Variants in CFAP299 observed in about 807,000 individuals in gnomAD.
The protein encoded by CFAP299 is cilia- and flagella-associated protein 299.
In CFAP299, 21 loss-of-function variants were observed where a neutral mutation model predicts 27.0. The ratio of observed to expected loss-of-function variants is 0.78; its 90% confidence interval spans 0.55 to 1.12. The LOEUF (loss-of-function observed/expected upper bound fraction) is 1.12, where lower values mean the gene tolerates loss of function less well. Among genes scored for constraint, CFAP299 ranks in the 50% most tolerant of loss-of-function variants. CFAP299 has a pLI of 0.00. For synonymous variants in CFAP299, 104 were observed against 98.1 expected (o/e 1.06, Z -0.36); for missense variants, 310 against 276.6 (o/e 1.12, Z -0.86).
At chr4:80,595,700 A>G (rs947752480) in intron 3 of CFAP299, among the ~76,000 whole-genome samples, 3 of 152,206 alleles carry the variant, frequency 2.0e-5, no homozygotes, top group African/African-American at 7.2e-5. Context: ...TTTTCTGTGG[A>G]CCTAAGAAAT....
At chr4:80,835,193 A>G (rs1578167800) in intron 3 of CFAP299, among the ~76,000 whole-genome samples, 1 of 151,776 alleles carries the variant, frequency 6.6e-6, no homozygotes, top group Admixed American at 6.6e-5. Flanking sequence ...CTCGGCTCCC[A>G]GGTTCACGCC....
intron 3 of CFAP299, among the ~76,000 whole-genome samples, chr4:80,620,552 A>G (rs769374478): frequency 4.6e-5 from 7 of 152,148 alleles, no homozygotes; most frequent in Non-Finnish European, 1.0e-4. Context: ...AACTTAAACT[A>G]TGTTTCAGTT....
At chr4:80,367,005 A>C (rs1723867854) in intron 2 of CFAP299, among the ~76,000 whole-genome samples, 2 of 152,198 alleles carry the variant, frequency 1.3e-5, no homozygotes, top group African/African-American at 4.8e-5. Flanking sequence ...AGTATCAGTA[A>C]ATCTATAGAG....
intron 1 of CFAP299, among the ~76,000 whole-genome samples, chr4:80,353,776 T>C (rs1723122845): frequency 6.6e-6 from 1 of 152,048 alleles, no homozygotes; most frequent in Non-Finnish European, 1.5e-5. Flanking sequence ...AGAATAGAAA[T>C]AGAGAAATCA....
At chr4:80,383,254 G>A (rs1026661391) in intron 2 of CFAP299, among the ~76,000 whole-genome samples, 2 of 152,014 alleles carry the variant, frequency 1.3e-5, no homozygotes, top group African/African-American at 4.8e-5. Flanking sequence ...TAGTACCTGG[G>A]TGACAGAATA....
chr4:80,851,476 T>C (rs1355136016), intron 3 of CFAP299, among the ~76,000 whole-genome samples: 1 of 152,012 alleles, frequency 6.6e-6, no homozygotes, highest in East Asian at 1.9e-4. Context: ...TTTACACTTA[T>C]AAAAATGTAG....
intron 2 of CFAP299, among the ~76,000 whole-genome samples, chr4:80,572,507 G>GTTGTTTTTTTTT (rs1735632770): frequency 5.5e-5 from 2 of 36,380 alleles, no homozygotes; most frequent in Non-Finnish European, 1.0e-4. Flanking sequence ...CTGGATCCCA[G>GTTGTTTTTTTTT]TTTTTTTTTT....
intron 4 of CFAP299, among the ~76,000 whole-genome samples, chr4:80,876,757 T>C (rs36087364): frequency 0.073 from 11,073 of 152,186 alleles, 560 homozygotes; most frequent in Middle Eastern, 0.17. Flanking sequence ...GACTTTGACA[T>C]GTAAAGATGT....
intron 4 of CFAP299, among the ~76,000 whole-genome samples, chr4:80,902,327 T>A (rs1442447581): frequency 6.8e-6 from 1 of 147,830 alleles, no homozygotes; most frequent in Non-Finnish European, 1.5e-5. Context: ...ATATATGGAT[T>A]ATTATTTTAT....
intron 5 of CFAP299, among the ~76,000 whole-genome samples, chr4:80,949,722 T>G (rs988878747): frequency 6.6e-6 from 1 of 152,090 alleles, no homozygotes; most frequent in East Asian, 1.9e-4. Flanking sequence ...ATAGTTCAAT[T>G]TGGCTTCTGC....
At chr4:80,841,306 T>A (rs1428036879) in intron 3 of CFAP299, among the ~76,000 whole-genome samples, 1 of 152,038 alleles carries the variant, frequency 6.6e-6, no homozygotes, top group African/African-American at 2.4e-5. Context: ...GCCACTAAAC[T>A]CCACCTATCT....
chr4:80,813,349 CA>C lies in CFAP299; in HGVS notation c.334-56643del, dbSNP rs772230725. Among the ~76,000 whole-genome samples the C allele has an allele frequency of 6.8e-4, 104 of 151,894 alleles. 1 individual carries two copies. Among genetic ancestry groups the C allele is most frequent in the Non-Finnish European group, 9.3e-4 (63 of 67,850 alleles). ...ACTACATTTTTGAAAGGAAAATTTT[CA>C]CAAACAAAGAAAAAAGGAATTTTTT... is the stretch of plus-strand genomic sequence containing the variant. On this transcript the variant is annotated intron_variant, in intron 3 of 5. Coordinates refer to ENST00000358105, the MANE Select transcript of CFAP299 (RefSeq NM_152770.3).
At chr4:80,766,359 A>T (rs1006258556) in intron 3 of CFAP299, among the ~76,000 whole-genome samples, 13 of 152,170 alleles carry the variant, frequency 8.5e-5, no homozygotes, top group African/African-American at 2.9e-4. Context: ...ACTTATACAG[A>T]CGAAAATAAT....
chr4:80,960,627 T>G (rs1738297233), intron 5 of CFAP299, among the ~76,000 whole-genome samples: 1 of 151,782 alleles, frequency 6.6e-6, no homozygotes. Flanking sequence ...ACAAAATTAT[T>G]TTCTCTTTGA....
At chr4:80,885,892 G>C (rs1185885935) in intron 4 of CFAP299, among the ~76,000 whole-genome samples, 1 of 152,164 alleles carries the variant, frequency 6.6e-6, no homozygotes, top group African/African-American at 2.4e-5. Context: ...AGAGCAACAA[G>C]CAGGACCTTG....
At chr4:80,709,484 G>C (rs773957387) in intron 3 of CFAP299, among the ~76,000 whole-genome samples, 1 of 152,114 alleles carries the variant, frequency 6.6e-6, no homozygotes, top group South Asian at 2.1e-4. Context: ...TATTGAGCAC[G>C]TTTCTTCCTA....
At chr4:80,903,617 T>C (rs1735041061) in intron 4 of CFAP299, among the ~76,000 whole-genome samples, 1 of 152,020 alleles carries the variant, frequency 6.6e-6, no homozygotes. Context: ...ATATTGGCAA[T>C]ATGAAAATTC....
intron 1 of CFAP299, among the ~76,000 whole-genome samples, chr4:80,357,417 A>C (rs1723329943): frequency 6.6e-6 from 1 of 152,196 alleles, no homozygotes; most frequent in Non-Finnish European, 1.5e-5. Context: ...GAATGGTACC[A>C]GCTCTTCTTT....
intron 3 of CFAP299, among the ~76,000 whole-genome samples, chr4:80,856,430 G>A (rs1731893484): frequency 6.6e-6 from 1 of 151,600 alleles, no homozygotes; most frequent in Admixed American, 6.6e-5. Context: ...TGTCAATTTT[G>A]GCTTTTGTTG....
Sources: gnomAD v4.1 joint callset for allele counts (sites outside exome capture counted in the v4.1 genomes callset) on GRCh38, gnomAD v4.1.1 for gene constraint, MANE v1.5 for transcripts, NCBI Gene and HGNC (gene_info 2026-07-23, HGNC 2026-07-21) for gene names.